JADE2: variants seen among roughly 807,000 people sequenced by gnomAD.
JADE2 encodes the protein jade family PHD finger 2.
Under a neutral mutation model 85.7 loss-of-function variants are expected in JADE2, and 13 were observed. The ratio of observed to expected loss-of-function variants is 0.15; its 90% CI spans 0.10 to 0.24. The LOEUF is 0.24. JADE2 is among the 10% of genes least tolerant of loss of function. JADE2 has a pLI of 1.00. For missense variants in JADE2, 846 were observed against 1,115.9 expected, an observed-to-expected ratio of 0.76 and a Z score of 3.45; for synonymous variants, 440 against 456.1, an observed-to-expected ratio of 0.96 and a Z score of 0.45.
Position 134,578,381 on chromosome 5 carries a change from A to G in JADE2, c.1682-113A>G, listed in dbSNP as rs1764513474. 1.3e-6 allele frequency: 1 copy of G among 799,898 alleles called. No individual in the cohort carries two copies. Among genetic ancestry groups the G allele is most frequent in the South Asian group, 1.7e-5 (1 of 58,918 alleles). The allele number at this position is 799,898 out of a possible 1,614,324, so 49.6% of individuals were successfully genotyped here. ...AAGATAGCTCACCTGGGTCTGGCAC[A>G]GGGGGACAGAGAGAAGACGATGCCT... On this transcript the variant is annotated intron_variant, in intron 11 of 11. Transcript: ENST00000681547. This position sits in a 1 kb window ranked among gnomAD's most constrained non-coding sequence, Gnocchi z 4.4.
intron 1 of JADE2, chr5:134,533,599 A>G (rs1372191668): frequency 2.0e-6 from 2 of 984,570 alleles, no homozygotes; most frequent in East Asian, 2.3e-4. Flanking sequence ...GGGTGGGTGC[A>G]CTTTTAGCAC....
intron 4 of JADE2, 141 bp from the exon 5 acceptor site, chr5:134,559,689 G>A: frequency 1.4e-6 from 1 of 715,332 alleles, no homozygotes; most frequent in Non-Finnish European, 2.2e-6. Context: ...GTGAAGGAGG[G>A]GGTGGAAGGA....
At chr5:134,546,269 G>T (rs1378374001) in intron 3 of JADE2, among the ~76,000 whole-genome samples, 2 of 152,056 alleles carry the variant, frequency 1.3e-5, no homozygotes, top group African/African-American at 4.8e-5. Context: ...CCTGGGCTCA[G>T]GCAGTCCTCC....
intron 4 of JADE2, 34 bp from the exon 5 acceptor site, chr5:134,559,796 C>G: frequency 6.3e-7 from 1 of 1,589,824 alleles, no homozygotes; most frequent in South Asian, 1.1e-5. Flanking sequence ...GCTGAGGGCC[C>G]CTCCCTTCAT....
At chr5:134,557,530 C>T (rs1272479207) in intron 4 of JADE2, among the ~76,000 whole-genome samples, 1 of 110,884 alleles carries the variant, frequency 9.0e-6, no homozygotes, top group African/African-American at 3.3e-5. Flanking sequence ...TCCCTCCCCC[C>T]TCCCCCGAAC....
At chr5:134,538,622 A>C (rs890845898) in intron 3 of JADE2, among the ~76,000 whole-genome samples, 4 of 152,024 alleles carry the variant, frequency 2.6e-5, no homozygotes, top group African/African-American at 9.7e-5. Context: ...CAGCAGGTAG[A>C]GGTTTATGGC....
chr5:134,543,408 C>T (rs1402990647), intron 3 of JADE2, among the ~76,000 whole-genome samples: 1 of 151,388 alleles, frequency 6.6e-6, no homozygotes, highest in Non-Finnish European at 1.5e-5. Context: ...TGCGGTGGCT[C>T]ATGCCTGTAA....
At chr5:134,541,273 C>T (rs553658520) in intron 3 of JADE2, among the ~76,000 whole-genome samples, 25 of 152,292 alleles carry the variant, frequency 1.6e-4, no homozygotes, top group East Asian at 1.9e-4. Flanking sequence ...AAGGTTGAGC[C>T]GTGGCCGGCA....
chr5:134,552,246 CAG>C (rs1762637148), intron 4 of JADE2, 37 bp downstream of exon 4: 4 of 1,589,888 alleles, frequency 2.5e-6, no homozygotes, highest in Non-Finnish European at 3.4e-6. Context: ...GCCATTGGGA[CAG>C]GGGAGGAAGG....
chr5:134,579,474 TA>T lies in JADE2; in HGVS notation c.*158del. 1.6e-6 allele frequency: 1 copy of T among 607,792 alleles called. No homozygotes were observed. Among genetic ancestry groups the T allele is most frequent in the Non-Finnish European group, 2.9e-6 (1 of 348,522 alleles). The allele number at this position is 607,792 out of a possible 1,614,324, so 37.6% of individuals were successfully genotyped here. On this transcript the variant is annotated 3_prime_UTR_variant, in exon 12 of 12. Coordinates refer to ENST00000681547, the MANE Select transcript of JADE2 (RefSeq NM_001388185.1). The surrounding 1 kb of genome is among the most constrained non-coding windows in gnomAD (Gnocchi z 4.6). ...TTAATATAGAGAGAGTTTTGAATTC[TA>T]CACTGTTGTCTTTCCTCTGTGCTGG...
chr5:134,544,806 AC>A (rs534096161), intron 3 of JADE2, among the ~76,000 whole-genome samples: 46 of 151,690 alleles, frequency 3.0e-4, no homozygotes, highest in African/African-American at 1.1e-3. Context: ...ATGGAGTGCC[AC>A]CCCCCACTCC....
At chr5:134,535,787 G>A in intron 1 of JADE2, 71 bp from the exon 2 acceptor site, 3 of 1,320,048 alleles carry the variant, frequency 2.3e-6, no homozygotes, top group Non-Finnish European at 3.3e-6. Context: ...GTTGGTTATG[G>A]GGTGATTTTC....
chr5:134,543,876 C>G (rs375303584), intron 3 of JADE2, among the ~76,000 whole-genome samples: 4 of 152,130 alleles, frequency 2.6e-5, no homozygotes, highest in Non-Finnish European at 5.9e-5. Context: ...ATCTAAGCAA[C>G]GTCAGGGAGT....
chr5:134,570,470 T>C (rs2150005170), intron 9 of JADE2, among the ~76,000 whole-genome samples: 1 of 152,300 alleles, frequency 6.6e-6, no homozygotes, highest in East Asian at 1.9e-4. Context: ...TCCCTCCCTA[T>C]TTCCCTCTAG....
intron 3 of JADE2, 129 bp from the exon 4 acceptor site, chr5:134,551,923 T>C: frequency 2.4e-6 from 2 of 835,794 alleles, no homozygotes; most frequent in South Asian, 1.4e-5. Context: ...TGCTTTTATT[T>C]CGTCTTATTT....
chr5:134,548,320 T>A (rs931936288), intron 3 of JADE2, among the ~76,000 whole-genome samples: 1 of 152,226 alleles, frequency 6.6e-6, no homozygotes, highest in Admixed American at 6.5e-5. Context: ...CTGGGTTCAT[T>A]TGCCACTTCC....
chr5:134,566,332 C>T lies in JADE2; in HGVS notation c.1186C>T (p.Arg396Trp), dbSNP rs764992446. The T allele has an allele frequency of 1.9e-6, 3 of 1,613,918 alleles. No homozygotes were observed. Among genetic ancestry groups the T allele is most frequent in the Non-Finnish European group, 2.5e-6 (3 of 1,180,018 alleles). Residue 396 changes from arginine (R) to tryptophan (W), a missense_variant, in exon 9 of 12, where the codon CGG (arginine) becomes TGG (tryptophan). Arg to Trp is a moderately radical substitution (Grantham distance 101). Around this residue, in one of 9 missense-constraint regions of JADE2, gnomAD observed 88 missense variants for 140.6 expected, o/e 0.63. Transcript: ENST00000681547. The surrounding 1 kb of genome is among the most constrained non-coding windows in gnomAD (Gnocchi z 6.7). The stretch of plus-strand genomic sequence containing the variant: ...GGAAAAGGTGACCCTGCGCAAGCAG[C>T]GGCTGCAGCAGCTAGAGGAGGACTT... ...DLEKVTLRKQ[R>W]LQQLEEDFYE...
At chr5:134,553,926 A>C (rs1169991078) in intron 4 of JADE2, among the ~76,000 whole-genome samples, 1 of 152,118 alleles carries the variant, frequency 6.6e-6, no homozygotes, top group Non-Finnish European at 1.5e-5. Context: ...TTCTTTATGC[A>C]ACCTGGGAAA....
At chr5:134,539,701 T>C (rs1272665433) in intron 3 of JADE2, among the ~76,000 whole-genome samples, 1 of 152,252 alleles carries the variant, frequency 6.6e-6, no homozygotes, top group African/African-American at 2.4e-5. Flanking sequence ...GCCCAGAGTT[T>C]GGTGGCGGGG....
Sources: gnomAD v4.1 joint callset for allele counts (sites outside exome capture counted in the v4.1 genomes callset) on GRCh38, gnomAD v4.1.1 for gene constraint, gnomAD v4.1.1 regional missense constraint, Gnocchi (gnomAD v3.1) non-coding constraint, MANE v1.5 for transcripts, NCBI Gene and HGNC (gene_info 2026-07-23, HGNC 2026-07-21) for gene names.